Variants in NUP214 observed in about 807,000 individuals in gnomAD.
NUP214 encodes the protein nuclear pore complex protein Nup214.
A neutral mutation model predicts 196.2 loss-of-function variants in NUP214; 79 were observed. The observed-to-expected ratio is 0.40, with a 90% CI of 0.34 to 0.49. NUP214 has a LOEUF of 0.49. Among genes scored for constraint, NUP214 ranks in the 20% least tolerant of loss-of-function variants. NUP214 has a pLI of 0.58. For missense variants in NUP214, 2,468 were observed against 2,539.0 expected (o/e 0.97, Z 0.60); for synonymous variants, 1,020 against 990.5 (o/e 1.03, Z -0.56).
At chr9:131,140,428 A>T in intron 10 of NUP214, 121 bp from the exon 11 acceptor site, 1 of 765,396 alleles carries the variant, frequency 1.3e-6, no homozygotes, top group Non-Finnish European at 2.1e-6. Context: ...GAACAAACTA[A>T]CTTGAGCTGC....
At chr9:131,152,215 G>A (rs1375596342) in intron 17 of NUP214, among the ~76,000 whole-genome samples, 3 of 152,110 alleles carry the variant, frequency 2.0e-5, no homozygotes, top group African/African-American at 4.8e-5. Context: ...CTGGGCTTAC[G>A]TGATCCTCCT....
intron 17 of NUP214, among the ~76,000 whole-genome samples, chr9:131,157,057 C>T (rs773618285): frequency 6.6e-6 from 1 of 151,902 alleles, no homozygotes; most frequent in Admixed American, 6.6e-5. Flanking sequence ...ACAAAAGCCT[C>T]GAATTCCTGG....
In NUP214 at chr9:131,174,286, A is replaced by C. The variant is rs764771543; in HGVS notation, c.3125A>C (p.His1042Pro). The C allele has an allele frequency of 5.0e-6, 8 of 1,613,644 alleles. No individual in the cohort carries two copies. Among genetic ancestry groups the C allele is most frequent in the East Asian group, 4.5e-5 (2 of 44,876 alleles). ...AAPFAKSHLV[H>P]GSSPGVMGTS... ...CCTTTTGCTAAATCTCACCTGGTTC[A>C]TGGTTCTTCACCTGGTGTGATGGGA... Residue 1042 changes from histidine to proline, a missense_variant, in exon 22 of 36, where the codon CAT (histidine) becomes CCT (proline). His to Pro is a moderately conservative substitution (Grantham distance 77). This residue lies in a region of NUP214 where 1,801 missense variants were observed against 1,779.4 expected (regional missense o/e 1.01). Transcript: ENST00000359428.
At chr9:131,187,683 G>A (rs551184675) in intron 25 of NUP214, among the ~76,000 whole-genome samples, 4 of 152,148 alleles carry the variant, frequency 2.6e-5, no homozygotes, top group Non-Finnish European at 4.4e-5. Flanking sequence ...CACCGTACCC[G>A]GCCTGAGTTT....
rs1324124149 is a variant in NUP214 at position 131,140,658 on chromosome 9, C to G, written c.1242C>G (p.Ile414Met). The G allele has an allele frequency of 1.9e-6, 3 of 1,613,924 alleles. No individual in the cohort carries two copies. In the African/African-American group the frequency reaches 4.0e-5, roughly 22 times the overall value. The change falls in exon 11 of 36, where the codon ATC becomes ATG. Residue 414 changes from isoleucine to methionine, a missense_variant. Around this residue, in one of 5 missense-constraint regions of NUP214, gnomAD observed 1,801 missense variants for 1,779.4 expected, o/e 1.01. Transcript: ENST00000359428. ...AAAATCCTGGGGTTAAGTCTCTCAT[C>G]AAAACACCAGAGCGACTTTCATTAG... The part of the protein sequence containing the change: ...INQNPGVKSL[I>M]KTPERLSLEG...
At chr9:131,222,663 G>A (rs943581077) in intron 31 of NUP214, 115 bp from the exon 32 acceptor site, 35 of 1,264,188 alleles carry the variant, frequency 2.8e-5, no homozygotes, top group Middle Eastern at 4.4e-4. Flanking sequence ...TTGGCTTCTA[G>A]GCGGCTTGTC....
intron 9 of NUP214, among the ~76,000 whole-genome samples, chr9:131,136,237 G>A (rs3739506): frequency 0.25 from 37,685 of 152,122 alleles, 4,780 homozygotes; most frequent in East Asian, 0.42. Context: ...ACTGGGTTTC[G>A]CCATGTTGGC....
chr9:131,143,306 G>A (rs926585399), intron 11 of NUP214, among the ~76,000 whole-genome samples: 5 of 152,090 alleles, frequency 3.3e-5, no homozygotes, highest in African/African-American at 1.2e-4. Context: ...ACTGCGCCCA[G>A]CCTTCCATTG....
At chr9:131,182,966 G>A (rs1051175744) in intron 24 of NUP214, among the ~76,000 whole-genome samples, 16 of 152,166 alleles carry the variant, frequency 1.1e-4, no homozygotes, top group Non-Finnish European at 2.1e-4. Flanking sequence ...CTAAAGAATA[G>A]TGTAAGAATC....
chr9:131,194,665 A>C (rs1237928721), intron 27 of NUP214, among the ~76,000 whole-genome samples: 1 of 152,200 alleles, frequency 6.6e-6, no homozygotes, highest in Non-Finnish European at 1.5e-5. Flanking sequence ...GGAGTCACAA[A>C]GTTTTTGAAC....
At position 131,144,532 on chromosome 9, in the gene NUP214, G is replaced by A. The variant is rs570359532; in HGVS notation, c.1547G>A (p.Gly516Asp). The change falls in exon 12 of 36, where the codon GGC becomes GAC. Residue 516 changes from glycine (G) to aspartate (D), a missense_variant. This residue lies in a region of NUP214 where 1,801 missense variants were observed against 1,779.4 expected (regional missense o/e 1.01). Coordinates refer to ENST00000359428, the MANE Select transcript of NUP214 (RefSeq NM_005085.4). ...SDSSKAAPGP[G>D]PSTFSFVPPS... is the part of the protein sequence containing the mutation. Reference sequence around the variant, plus strand: ...AGCTCCAAAGCAGCCCCAGGCCCTGGCCCATCAACCTTCTCTTTTGTTCCC... The same window carrying A: ...AGCTCCAAAGCAGCCCCAGGCCCTGACCCATCAACCTTCTCTTTTGTTCCC... The A allele has an allele frequency of 2.8e-5, 46 of 1,614,108 alleles. No individual in the cohort carries two copies. The East Asian group carries it at 6.2e-4, about 22-fold the overall frequency.
chr9:131,223,727 A>ATTTATTTATTTATTTATTTATTTT, intron 32 of NUP214, among the ~76,000 whole-genome samples: 2 of 15,654 alleles, frequency 1.3e-4, no homozygotes, highest in Non-Finnish European at 1.4e-4. Context: ...TTATTTATTT[A>ATTTATTTATTTATTTATTTATTTT]TTTTTTTTTT....
intron 26 of NUP214, chr9:131,191,645 G>A (rs969031453): frequency 1.3e-5 from 2 of 152,064 alleles, no homozygotes; most frequent in African/African-American, 2.4e-5. Flanking sequence ...TTTAAAAAAA[G>A]AACACGATTA....
Position 131,151,849 on chromosome 9 carries a change from G to A in NUP214, c.2391G>A (p.Leu797=), listed in dbSNP as rs1236887020. 1.9e-6 allele frequency: 3 copies of A among 1,613,226 alleles called. No individual in the cohort carries two copies. Among genetic ancestry groups the A allele is most frequent in the Non-Finnish European group, 2.5e-6 (3 of 1,179,852 alleles). ...ERNRDSGYLH[L]LYKRPLDPKS... Reference sequence around the variant, plus strand: ...ATCGTGACTCTGGTTATCTGCATTTGCTTTATAAAAGACCACTGGATCCCA... The same window carrying A: ...ATCGTGACTCTGGTTATCTGCATTTACTTTATAAAAGACCACTGGATCCCA... The change falls in exon 17 of 36, where the codon TTG becomes TTA. Residue 797 remains leucine, a synonymous_variant. Coordinates refer to ENST00000359428, the MANE Select transcript of NUP214 (RefSeq NM_005085.4).
chr9:131,195,327 G>A, intron 28 of NUP214, 33 bp downstream of exon 28: 2 of 1,544,224 alleles, frequency 1.3e-6, no homozygotes, highest in Non-Finnish European at 1.8e-6. Flanking sequence ...CATTACTCAT[G>A]TGTTTTCTCT....
At chr9:131,179,881 C>T (rs1274356751) in intron 24 of NUP214, among the ~76,000 whole-genome samples, 1 of 152,194 alleles carries the variant, frequency 6.6e-6, no homozygotes. Context: ...AGGGAAAGAA[C>T]TATGCATTAG....
At chr9:131,225,187 C>T (rs1834687950) in intron 32 of NUP214, among the ~76,000 whole-genome samples, 1 of 152,100 alleles carries the variant, frequency 6.6e-6, no homozygotes, top group Admixed American at 6.5e-5. Context: ...CCAAGGAAGA[C>T]AGATCACTTG....
intron 31 of NUP214, among the ~76,000 whole-genome samples, chr9:131,220,296 G>A (rs1257531745): frequency 1.3e-5 from 2 of 152,166 alleles, no homozygotes; most frequent in East Asian, 1.9e-4. Flanking sequence ...TAGAGACTAT[G>A]TTATTTTGGA....
chr9:131,144,879 T>TG (rs1832042169), intron 12 of NUP214, 125 bp downstream of exon 12: 10 of 709,166 alleles, frequency 1.4e-5, no homozygotes, highest in Admixed American at 6.3e-5. Flanking sequence ...GAGTGATACT[T>TG]GCAAATGGCA....
Sources: allele counts gnomAD v4.1 joint callset (sites outside exome capture counted in the v4.1 genomes callset), GRCh38; gene constraint gnomAD v4.1.1; regional missense constraint gnomAD v4.1.1; transcripts MANE v1.5; gene names NCBI Gene and HGNC (gene_info 2026-07-23, HGNC 2026-07-21).